Variants in PDE11A observed in about 807,000 individuals in gnomAD.
PDE11A encodes the protein phosphodiesterase 11A, also known as dual 3',5'-cyclic-AMP and -GMP phosphodiesterase 11A.
A neutral mutation model predicts 100.5 loss-of-function variants in PDE11A; 100 were observed. The ratio of observed to expected loss-of-function variants is 1.00; its 90% CI spans 0.85 to 1.18. PDE11A has a LOEUF of 1.18. Ranked by LOEUF, PDE11A falls within the 50% of genes most tolerant of loss-of-function variation. PDE11A has a pLI of 0.00. For missense variants in PDE11A, 1,141 were observed against 1,152.6 expected (o/e 0.99, Z 0.15); for synonymous variants, 381 against 420.8 (o/e 0.91, Z 1.16).
chr2:178,062,336 G>GAAAAAAAA (rs11333080), intron 1 of PDE11A, among the ~76,000 whole-genome samples: 3 of 101,680 alleles, frequency 3.0e-5, no homozygotes, highest in Non-Finnish European at 2.1e-5. Flanking sequence ...CCTGAAGACA[G>GAAAAAAAA]AAAAAAAAAA....
chr2:178,005,474 C>A (rs1016710704), intron 2 of PDE11A, among the ~76,000 whole-genome samples: 3 of 151,994 alleles, frequency 2.0e-5, no homozygotes, highest in Non-Finnish European at 4.4e-5. Flanking sequence ...ATAGTGAGCC[C>A]CATCTCTTAA....
At chr2:177,740,406 T>G (rs2081855411) in intron 10 of PDE11A, among the ~76,000 whole-genome samples, 1 of 152,202 alleles carries the variant, frequency 6.6e-6, no homozygotes, top group Non-Finnish European at 1.5e-5. Context: ...CATGGTGCAT[T>G]TATTAAGACA....
At position 177,728,075 on chromosome 2, in the gene PDE11A, C is replaced by T. The variant is rs777041963; in HGVS notation, c.1886G>A (p.Arg629Gln). The change falls in exon 11 of 20, where the codon CGG becomes CAG. Residue 629 changes from arginine (R) to glutamine (Q), a missense_variant. Coordinates refer to ENST00000286063, the MANE Select transcript of PDE11A (RefSeq NM_016953.4). Reference protein sequence around the residue: ...DVDAMITAALRMFMELGMVQK... With the variant: ...DVDAMITAALQMFMELGMVQK... ...TACCATCCCCAGCTCCATGAACATC[C>T]GGAGAGCAGCTGTGATCATGGCATC... 2.0e-5 allele frequency: 33 copies of T among 1,612,610 alleles called. No homozygotes were observed. The highest frequency in any genetic ancestry group is 2.7e-5 in the African/African-American group (2 of 74,816).
At chr2:177,724,805 G>A (rs1159125740) in intron 12 of PDE11A, among the ~76,000 whole-genome samples, 1 of 147,658 alleles carries the variant, frequency 6.8e-6, no homozygotes, top group African/African-American at 2.7e-5. Flanking sequence ...AGGTGGGTAA[G>A]GTTTTTTCCC....
rs968429545 is a variant in PDE11A, at chr2:177,684,172, T to C, written c.2346-3269A>G. On this transcript the variant is annotated intron_variant, in intron 15 of 19. Transcript: ENST00000286063. Reference sequence around the variant, plus strand: ...TATTGAACATCTACTCTGTAACAAGTCTTTATTAGGCTTTACGGTCACATG... The same window carrying C: ...TATTGAACATCTACTCTGTAACAAGCCTTTATTAGGCTTTACGGTCACATG... Among the ~76,000 whole-genome samples, 8 of 152,308 alleles carry C rather than the reference T, an allele frequency of 5.3e-5. No individual in the cohort carries two copies. In the East Asian group the frequency reaches 1.2e-3, roughly 22 times the overall value.
At chr2:177,797,216 T>C (rs1438057) in intron 9 of PDE11A, 144,781 of 152,244 alleles carry the variant, frequency 0.95, 69,245 homozygotes, top group East Asian at 1. Context: ...TGGTAAATGC[T>C]CTCCTGCAAC....
At chr2:177,822,661 GA>G (rs1558956240) in intron 6 of PDE11A, among the ~76,000 whole-genome samples, 4 of 151,936 alleles carry the variant, frequency 2.6e-5, no homozygotes, top group African/African-American at 9.7e-5. Flanking sequence ...GGTATTTTTT[GA>G]ATCTATCTGT....
chr2:177,664,416 G>C lies in PDE11A; in HGVS notation c.2563-467C>G, dbSNP rs370300579. 1.4e-4 allele frequency among the ~76,000 whole-genome samples: 21 copies of C among 152,218 alleles called. No individual in the cohort carries two copies. In the East Asian group the frequency reaches 4.0e-3, roughly 29 times the overall value. ...AAACCATTTATACTAATTTTTCTGG[G>C]TAGGGGTTGATTTGGCAATTGCATA... On this transcript the variant is annotated intron_variant, in intron 18 of 19. Transcript: ENST00000286063.
chr2:177,995,698 C>T (rs2086064483), intron 2 of PDE11A, among the ~76,000 whole-genome samples: 1 of 147,974 alleles, frequency 6.8e-6, no homozygotes, highest in Non-Finnish European at 1.5e-5. Context: ...CTAACTTATA[C>T]AATAATTTTG....
chr2:177,795,973 A>ATATATC (rs1553475866), intron 9 of PDE11A, among the ~76,000 whole-genome samples: 4 of 129,406 alleles, frequency 3.1e-5, no homozygotes, highest in Non-Finnish European at 4.9e-5. Context: ...ATATATATAT[A>ATATATC]TATCTTTGCT....
chr2:177,881,550 T>C lies in PDE11A; in HGVS notation c.1303-5627A>G, dbSNP rs554983302. Reference sequence around the variant, plus strand: ...CATCAGATTATTTGGCAAGGCAATATACATGTGGCATTAGTCCGTGATGAG... The same window carrying C: ...CATCAGATTATTTGGCAAGGCAATACACATGTGGCATTAGTCCGTGATGAG... On this transcript the variant is annotated intron_variant, in intron 4 of 19. Coordinates refer to ENST00000286063, the MANE Select transcript of PDE11A (RefSeq NM_016953.4). Among the ~76,000 whole-genome samples the C allele has an allele frequency of 1.8e-4, 27 of 152,208 alleles. 1 individual carries two copies. Among genetic ancestry groups the C allele is most frequent in the Non-Finnish European group, 3.5e-4 (24 of 68,026 alleles).
intron 6 of PDE11A, among the ~76,000 whole-genome samples, chr2:177,824,102 T>A (rs565572535): frequency 6.6e-6 from 1 of 152,294 alleles, no homozygotes; most frequent in South Asian, 2.1e-4. Context: ...AAAGAGTTTT[T>A]TTTTTTCTTC....
chr2:178,098,217 C>T (rs1192542426), intron 2 of PDE11A, among the ~76,000 whole-genome samples: 1 of 152,044 alleles, frequency 6.6e-6, no homozygotes, highest in Non-Finnish European at 1.5e-5. Context: ...AATAACAATC[C>T]CCAGCTGTAT....
chr2:178,004,337 T>C (rs1046921238), intron 2 of PDE11A, among the ~76,000 whole-genome samples: 5 of 152,196 alleles, frequency 3.3e-5, no homozygotes, highest in Admixed American at 2.0e-4. Context: ...CAAATATACT[T>C]GGATTCTATT....
chr2:177,992,920 GT>G (rs199776670), intron 2 of PDE11A, among the ~76,000 whole-genome samples: 4,212 of 151,562 alleles, frequency 0.028, 182 homozygotes, highest in African/African-American at 0.096. Context: ...TTTTTTTCTC[GT>G]TTTTTCTTAA....
At chr2:177,850,521 C>A (rs2083682745) in intron 5 of PDE11A, among the ~76,000 whole-genome samples, 1 of 151,936 alleles carries the variant, frequency 6.6e-6, no homozygotes, top group South Asian at 2.1e-4. Context: ...CGACAGAAGC[C>A]AAAATTGACA....
intron 2 of PDE11A, among the ~76,000 whole-genome samples, chr2:178,090,472 G>A (rs573132526): frequency 1.5e-4 from 22 of 151,630 alleles, no homozygotes; most frequent in African/African-American, 3.9e-4. Context: ...ATTTCTACCC[G>A]CCTGCCTTTT....
At chr2:177,922,654 G>A (rs34148524) in intron 2 of PDE11A, 80,741 of 973,080 alleles carry the variant, frequency 0.083, 3,496 homozygotes, top group South Asian at 0.097. Flanking sequence ...AACATTGTCT[G>A]CTTCCTTTAA....
chr2:178,073,909 G>GTT (rs796149790), upstream of PDE11A, among the ~76,000 whole-genome samples: 5 of 143,168 alleles, frequency 3.5e-5, no homozygotes, highest in Admixed American at 1.4e-4. Context: ...ATGTGTCAGG[G>GTT]TTTTTTTTTT....
Sources: gnomAD v4.1 joint callset for allele counts (sites outside exome capture counted in the v4.1 genomes callset) on GRCh38, gnomAD v4.1.1 for gene constraint, MANE v1.5 for transcripts, NCBI Gene and HGNC (gene_info 2026-07-23, HGNC 2026-07-21) for gene names.